The following RANBP3L variants were observed in gnomAD, a reference collection of about 807,000 sequenced individuals.
RANBP3L encodes the protein ran-binding protein 3-like.
A neutral mutation model predicts 67.2 loss-of-function variants in RANBP3L; 56 were observed. That is an observed-to-expected ratio of 0.83 (90% CI 0.67 to 1.04). The LOEUF (loss-of-function observed/expected upper bound fraction) is 1.04, where lower values mean the gene tolerates loss of function less well. Among genes scored for constraint, RANBP3L ranks in the 50% least tolerant of loss-of-function variants. The probability of loss-of-function intolerance (pLI) is 0.00; values close to 1 mark genes in which losing one functional copy is unlikely to be tolerated. For missense variants in RANBP3L, 496 were observed against 535.5 expected (o/e 0.93, Z 0.73); for synonymous variants, 164 against 181.4 (o/e 0.90, Z 0.77).
intron 2 of RANBP3L, among the ~76,000 whole-genome samples, chr5:36,270,280 G>C (rs980044198): frequency 6.6e-6 from 1 of 152,182 alleles, no homozygotes; most frequent in Non-Finnish European, 1.5e-5. Flanking sequence ...AGATTCGCTT[G>C]TGGAAGTTAG....
rs1749693728 is a variant in RANBP3L, at chr5:36,265,452, G to T, written c.337C>A (p.Gln113Lys). The T allele has an allele frequency of 6.3e-7, 1 of 1,587,290 alleles. No homozygotes were observed. The highest frequency in any genetic ancestry group is 8.6e-7 in the Non-Finnish European group (1 of 1,159,616). ...QSSVDIKSAE[Q>K]GPVKHSKHVI... ...TCTTGAAATAGAAGCTACATACCTT[G>T]TTCAGCACTCTTTATATCAACACTA... Residue 113 changes from glutamine (Q) to lysine (K), a missense_variant, in exon 5 of 14, where the codon CAA (glutamine) becomes AAA (lysine). By Grantham distance (53) the Gln-to-Lys change is moderately conservative. Coordinates refer to ENST00000296604, the MANE Select transcript of RANBP3L (RefSeq NM_145000.5).
chr5:36,249,730 A>G, intron 13 of RANBP3L, 33 bp from the exon 14 acceptor site: 2 of 1,241,424 alleles, frequency 1.6e-6, no homozygotes, highest in Non-Finnish European at 2.3e-6. Flanking sequence ...TTTATTATAC[A>G]ATATTATATT....
chr5:36,269,834 T>G, intron 3 of RANBP3L, 117 bp downstream of exon 3: 1 of 895,822 alleles, frequency 1.1e-6, no homozygotes, highest in Admixed American at 1.8e-5. Context: ...ACTGGCATAT[T>G]TAAAAAAAGA....
intron 1 of RANBP3L, among the ~76,000 whole-genome samples, chr5:36,282,905 C>T (rs1751068306): frequency 6.6e-6 from 1 of 152,044 alleles, no homozygotes; most frequent in African/African-American, 2.4e-5. Flanking sequence ...GATGGTTCTG[C>T]AGTGATATAT....
chr5:36,292,682 C>G (rs1316730473), intron 1 of RANBP3L, among the ~76,000 whole-genome samples: 4 of 151,536 alleles, frequency 2.6e-5, no homozygotes, highest in African/African-American at 9.7e-5. Context: ...GCTTGTTTTT[C>G]TCAGGTTTGT....
At chr5:36,257,734 A>G (rs1009868273) in intron 8 of RANBP3L, among the ~76,000 whole-genome samples, 178 bp from the exon 9 acceptor site, 1 of 152,168 alleles carries the variant, frequency 6.6e-6, no homozygotes, top group African/African-American at 2.4e-5. Flanking sequence ...ATTGTTAGAA[A>G]GCCTTAGTTC....
intron 12 of RANBP3L, among the ~76,000 whole-genome samples, chr5:36,252,102 G>C (rs1748636953): frequency 6.6e-6 from 1 of 151,978 alleles, no homozygotes. Flanking sequence ...AAAACTGTGG[G>C]TTATTAATTT....
At chr5:36,273,638 C>T (rs578049951) in intron 1 of RANBP3L, among the ~76,000 whole-genome samples, 1 of 152,274 alleles carries the variant, frequency 6.6e-6, no homozygotes, top group Non-Finnish European at 1.5e-5. Context: ...CAAAAGTAAG[C>T]ATTTGTCAAG....
chr5:36,262,155 T>C, intron 6 of RANBP3L, 113 bp from the exon 7 acceptor site: 1 of 597,674 alleles, frequency 1.7e-6, no homozygotes, highest in Admixed American at 2.9e-5. Flanking sequence ...TATGTTTAAG[T>C]ACTGCCTTAA....
At position 36,248,715 on chromosome 5, in the gene RANBP3L, A is replaced by T. The variant is rs191930461; in HGVS notation, c.*939T>A. ...TGGTGTGATAAAACTGAATTGAAAA[A>T]TGAAATAGGGCTATAAGTACTGAGA... On this transcript the variant is annotated 3_prime_UTR_variant, in exon 14 of 14. Coordinates refer to ENST00000296604, the MANE Select transcript of RANBP3L (RefSeq NM_145000.5). 6.6e-6 allele frequency: 1 copy of T among 152,180 alleles called. No individual in the cohort carries two copies. The highest frequency in any genetic ancestry group is 1.5e-5 in the Non-Finnish European group (1 of 68,004). The allele number at this position is 152,180 out of a possible 1,614,324, so 9.4% of individuals were successfully genotyped here.
chr5:36,292,882 G>A (rs894716076), intron 1 of RANBP3L, among the ~76,000 whole-genome samples: 41 of 151,660 alleles, frequency 2.7e-4, no homozygotes, highest in African/African-American at 8.7e-4. Flanking sequence ...TTGGCGATGC[G>A]GGCTCTTTTT....
At chr5:36,284,691 G>A (rs1243717068) in intron 1 of RANBP3L, among the ~76,000 whole-genome samples, 1 of 152,186 alleles carries the variant, frequency 6.6e-6, no homozygotes, top group African/African-American at 2.4e-5. Context: ...GTGGGACATA[G>A]GGGCTAGGCA....
chr5:36,251,173 G>C (rs1267806490), intron 13 of RANBP3L, 140 bp downstream of exon 13: 1 of 622,974 alleles, frequency 1.6e-6, no homozygotes, highest in Non-Finnish European at 2.6e-6. Flanking sequence ...CCACTCCTCA[G>C]ATCCAAACAA....
At chr5:36,278,928 G>A (rs1252311499) in intron 1 of RANBP3L, among the ~76,000 whole-genome samples, 3 of 152,152 alleles carry the variant, frequency 2.0e-5, no homozygotes, top group African/African-American at 7.2e-5. Context: ...TTATTGAATG[G>A]TGATTAAAAT....
intron 1 of RANBP3L, among the ~76,000 whole-genome samples, chr5:36,287,635 T>G (rs1751420048): frequency 6.6e-6 from 1 of 152,162 alleles, no homozygotes; most frequent in Admixed American, 6.5e-5. Flanking sequence ...TGTTCAATAA[T>G]GAAAAGACAG....
Position 36,255,491 on chromosome 5 carries a change from C to T in RANBP3L, c.1003G>A (p.Gly335Arg), listed in dbSNP as rs1410912410. 8 of 1,610,920 alleles carry T rather than the reference C, an allele frequency of 5.0e-6. No homozygotes were observed. Among genetic ancestry groups the T allele is most frequent in the East Asian group, 2.2e-5 (1 of 44,790 alleles). The change falls in exon 11 of 14, where the codon GGA becomes AGA. Residue 335 changes from glycine (G) to arginine (R), a missense_variant. Gly to Arg is a moderately radical substitution (Grantham distance 125). Transcript: ENST00000296604. ...TTACTTAGTCTTGACTGTAATGTTC[C>T]ACAGTCAGTGCTTGCTGTGTCATTC... is the stretch of plus-strand genomic sequence containing the variant. ...RLNDTASTDCGTLQSRLIMRN... is the reference protein window; with the variant it reads ...RLNDTASTDCRTLQSRLIMRN...
In RANBP3L at chr5:36,255,592, T is replaced by A; in HGVS notation, c.904-2A>T. 1 of 1,597,150 alleles carries A rather than the reference T, an allele frequency of 6.3e-7. No individual in the cohort carries two copies. Among genetic ancestry groups the A allele is most frequent in the Non-Finnish European group, 8.5e-7 (1 of 1,172,306 alleles). On this transcript the variant is annotated splice_acceptor_variant, in intron 10 of 13. Coordinates refer to ENST00000296604, the MANE Select transcript of RANBP3L (RefSeq NM_145000.5). LOFTEE classifies it high-confidence loss of function. ...GAATATGAAAAGCTTGCAGTTTATCTAAATGACAATTTTTTAAAATGTCAA... is the reference window on the plus strand; with the variant it reads ...GAATATGAAAAGCTTGCAGTTTATCAAAATGACAATTTTTTAAAATGTCAA...
At chr5:36,276,803 A>T (rs1750603253) in intron 1 of RANBP3L, among the ~76,000 whole-genome samples, 1 of 152,162 alleles carries the variant, frequency 6.6e-6, no homozygotes, top group Admixed American at 6.5e-5. Context: ...GATGTCAAAG[A>T]TAGAGTAAGA....
intron 1 of RANBP3L, among the ~76,000 whole-genome samples, chr5:36,292,361 T>C (rs1416424606): frequency 1.3e-5 from 2 of 151,828 alleles, no homozygotes; most frequent in Non-Finnish European, 2.9e-5. Context: ...GCCTGTTCAC[T>C]CTGATGGTAG....
Sources: gnomAD v4.1 joint callset for allele counts (sites outside exome capture counted in the v4.1 genomes callset) on GRCh38, gnomAD v4.1.1 for gene constraint, MANE v1.5 for transcripts, NCBI Gene and HGNC (gene_info 2026-07-23, HGNC 2026-07-21) for gene names.